The following SYNPR variants were observed in gnomAD, a reference collection of about 807,000 sequenced individuals.
SYNPR encodes synaptoporin.
In SYNPR, 23 loss-of-function variants were observed where a neutral mutation model predicts 32.9. That is an observed-to-expected ratio of 0.70 (90% CI 0.50 to 0.99). SYNPR has a LOEUF of 0.99. Among genes scored for constraint, SYNPR ranks in the 50% least tolerant of loss-of-function variants. SYNPR has a pLI of 0.00. For missense variants in SYNPR, 318 were observed against 349.3 expected (o/e 0.91, Z 0.71); for synonymous variants, 146 against 135.9 (o/e 1.07, Z -0.52).
At chr3:63,296,487 G>T (rs1182942726) in intron 2 of SYNPR, among the ~76,000 whole-genome samples, 1 of 152,162 alleles carries the variant, frequency 6.6e-6, no homozygotes, top group East Asian at 1.9e-4. Flanking sequence ...GGATGAATGA[G>T]AAATTTGGTG....
chr3:63,479,006 A>G (rs952688301), intron 2 of SYNPR, among the ~76,000 whole-genome samples: 3 of 152,180 alleles, frequency 2.0e-5, no homozygotes, highest in Non-Finnish European at 2.9e-5. Context: ...AAGCAAGTCC[A>G]CACCAGGGGC....
chr3:63,282,115 C>T (rs553963514), intron 2 of SYNPR, among the ~76,000 whole-genome samples: 96 of 152,330 alleles, frequency 6.3e-4, no homozygotes, highest in Non-Finnish European at 4.1e-4. Context: ...GGAATACCAG[C>T]TAAGTCAGTA....
chr3:63,368,809 CA>C (rs1397723790), intron 2 of SYNPR, among the ~76,000 whole-genome samples: 2 of 152,126 alleles, frequency 1.3e-5, no homozygotes, highest in Non-Finnish European at 2.9e-5. Flanking sequence ...TTTATTTATA[CA>C]GTGTTGCTTC....
intron 4 of SYNPR, among the ~76,000 whole-genome samples, chr3:63,565,746 T>C (rs1702772491): frequency 6.6e-6 from 1 of 152,204 alleles, no homozygotes; most frequent in African/African-American, 2.4e-5. Flanking sequence ...GGAGGTTACC[T>C]GTCCTAGAGG....
At chr3:63,267,249 G>A (rs952796850) in intron 2 of SYNPR, 1 of 152,152 alleles carries the variant, frequency 6.6e-6, no homozygotes, top group African/African-American at 2.4e-5. Context: ...TTGGGGAAAA[G>A]GATACATGAG....
intron 3 of SYNPR, among the ~76,000 whole-genome samples, chr3:63,512,385 T>C (rs1701713452): frequency 6.6e-6 from 1 of 152,030 alleles, no homozygotes; most frequent in Non-Finnish European, 1.5e-5. Context: ...AAAATACACA[T>C]CCTAATCCCT....
chr3:63,245,442 A>G (rs1055831411), intron 1 of SYNPR, among the ~76,000 whole-genome samples: 1 of 152,034 alleles, frequency 6.6e-6, no homozygotes, highest in African/African-American at 2.4e-5. Flanking sequence ...ATATTACAAC[A>G]TTAACTCTGG....
intron 2 of SYNPR, among the ~76,000 whole-genome samples, chr3:63,411,896 T>C (rs1368309023): frequency 1.3e-5 from 2 of 152,134 alleles, no homozygotes; most frequent in East Asian, 1.9e-4. Flanking sequence ...CATTGTCAGA[T>C]GTGCATTCTA....
At chr3:63,447,334 G>A (rs1280954101) in intron 2 of SYNPR, among the ~76,000 whole-genome samples, 1 of 152,170 alleles carries the variant, frequency 6.6e-6, no homozygotes, top group Non-Finnish European at 1.5e-5. Context: ...CAATAGTACT[G>A]AGGATTGTAC....
intron 3 of SYNPR, among the ~76,000 whole-genome samples, chr3:63,509,004 A>G (rs1186478505): frequency 6.6e-6 from 1 of 152,050 alleles, no homozygotes; most frequent in East Asian, 1.9e-4. Flanking sequence ...TAGGAAAGTA[A>G]ATGGAAAGAA....
At chr3:63,356,362 G>C (rs191328702) in intron 2 of SYNPR, among the ~76,000 whole-genome samples, 1 of 152,280 alleles carries the variant, frequency 6.6e-6, no homozygotes, top group Non-Finnish European at 1.5e-5. Context: ...CTTTATTCAA[G>C]GTGTCCACCA....
the SYNPR span, among the ~76,000 whole-genome samples, chr3:63,207,197 C>T: frequency 4.6e-5 from 7 of 152,296 alleles, no homozygotes; most frequent in African/African-American, 1.7e-4. Context: ...GGTGGGAAGG[C>T]TGGAGGATCA....
intron 3 of SYNPR, among the ~76,000 whole-genome samples, chr3:63,516,949 T>TCCG (rs1353196130): frequency 6.6e-6 from 1 of 152,184 alleles, no homozygotes; most frequent in Non-Finnish European, 1.5e-5. Flanking sequence ...AATAATGTTG[T>TCCG]ATGTGATGTT....
intron 2 of SYNPR, among the ~76,000 whole-genome samples, chr3:63,335,344 C>T (rs1397215937): frequency 7.9e-6 from 1 of 127,120 alleles, no homozygotes; most frequent in Non-Finnish European, 1.6e-5. Context: ...CAGAGCGAGA[C>T]TCCGTCTCAA....
At chr3:63,542,777 G>A (rs1475375787) in intron 3 of SYNPR, among the ~76,000 whole-genome samples, 1 of 152,050 alleles carries the variant, frequency 6.6e-6, no homozygotes, top group Non-Finnish European at 1.5e-5. Context: ...GTGATGACTT[G>A]CATATAGGAG....
At chr3:63,232,166 T>C (rs1330761682) in intron 1 of SYNPR, among the ~76,000 whole-genome samples, 1 of 149,380 alleles carries the variant, frequency 6.7e-6, no homozygotes, top group African/African-American at 2.4e-5. Flanking sequence ...TCAAGGGCTG[T>C]CTCAAGTGAG....
At chr3:63,407,310 C>CA (rs1320306630) in intron 2 of SYNPR, among the ~76,000 whole-genome samples, 8 of 152,096 alleles carry the variant, frequency 5.3e-5, no homozygotes, top group Non-Finnish European at 1.0e-4. Flanking sequence ...ACAGCAAGCT[C>CA]AAAAAATGCT....
In SYNPR at chr3:63,460,150, A is replaced by C. The variant is rs118092040; in HGVS notation, c.85-20682A>C. Among the ~76,000 whole-genome samples the C allele has an allele frequency of 1.1e-4, 16 of 152,174 alleles. No homozygotes were observed. In the East Asian group the frequency reaches 2.7e-3, roughly 26 times the overall value. ...TCATCCTGCTTAACACATTTGAGTA[A>C]ATTTGCATTGCTGTTAGATTAAAGG... On this transcript the variant is annotated intron_variant, in intron 2 of 5. Coordinates refer to ENST00000478300, the MANE Select transcript of SYNPR (RefSeq NM_001130003.2).
At chr3:63,492,459 A>G (rs1465865952) in intron 3 of SYNPR, among the ~76,000 whole-genome samples, 1 of 152,220 alleles carries the variant, frequency 6.6e-6, no homozygotes, top group Non-Finnish European at 1.5e-5. Flanking sequence ...AACAGAGGGA[A>G]ATGTAAAGAC....
Sources: gnomAD v4.1 joint callset for allele counts (sites outside exome capture counted in the v4.1 genomes callset) on GRCh38, gnomAD v4.1.1 for gene constraint, MANE v1.5 for transcripts, NCBI Gene and HGNC (gene_info 2026-07-23, HGNC 2026-07-21) for gene names.